FBXL3: variants seen among roughly 807,000 people sequenced by gnomAD.
The protein encoded by FBXL3 is F-box and leucine rich repeat protein 3.
FBXL3 carries 14 observed loss-of-function variants against 37.9 expected under a neutral mutation model. The observed-to-expected ratio is 0.37, with a 90% CI of 0.24 to 0.58. FBXL3 has a LOEUF of 0.58. Among genes scored for constraint, FBXL3 ranks in the 20% least tolerant of loss-of-function variants. The pLI is 0.74. For synonymous variants in FBXL3, 194 were observed against 180.1 expected, an observed-to-expected ratio of 1.08 and a Z score of -0.62; for missense variants, 327 against 511.1, an observed-to-expected ratio of 0.64 and a Z score of 3.47.
Position 77,007,580 on chromosome 13 carries a change from T to G in FBXL3, c.852A>C (p.Ser284=). 1 of 1,614,130 alleles carries G rather than the reference T, an allele frequency of 6.2e-7. No homozygotes were observed. The highest frequency in any genetic ancestry group is 8.5e-7 in the Non-Finnish European group (1 of 1,180,024). Residue 284 remains serine, a synonymous_variant, in exon 5 of 5, where the codon TCA becomes TCC. Transcript: ENST00000355619. ...AATACATCACTAAGTTCACTTTGGG[T>G]GAATGTCTGATGAAAGCATCCCAGC... ...KSSWDAFIRH[S]PKVNLVMYFF...
At chr13:77,007,851 T>C (rs2154035966) in intron 4 of FBXL3, 63 bp from the exon 5 acceptor site, 2 of 1,417,474 alleles carry the variant, frequency 1.4e-6, no homozygotes, top group South Asian at 1.5e-5. Context: ...AAAAATTCAA[T>C]CAAGTACATG....
At chr13:77,007,969 T>G (rs1476582943) in intron 4 of FBXL3, among the ~76,000 whole-genome samples, 181 bp from the exon 5 acceptor site, 1 of 152,208 alleles carries the variant, frequency 6.6e-6, no homozygotes, top group East Asian at 1.9e-4. Flanking sequence ...ATTACTAATT[T>G]TGTCTACAAG....
At chr13:77,008,279 A>G (rs1320097233) in intron 4 of FBXL3, among the ~76,000 whole-genome samples, 1 of 152,260 alleles carries the variant, frequency 6.6e-6, no homozygotes, top group South Asian at 2.1e-4. Flanking sequence ...CAAACTAAAG[A>G]TTCTATCAAA....
chr13:77,024,396 A>T (rs767173297), intron 1 of FBXL3, among the ~76,000 whole-genome samples: 9 of 152,224 alleles, frequency 5.9e-5, no homozygotes, highest in Non-Finnish European at 1.3e-4. Flanking sequence ...AAAGAATGAC[A>T]GTCTTTGCAA....
Position 77,018,587 on chromosome 13 carries a change from A to G in FBXL3, c.471+13T>C. The G allele has an allele frequency of 1.9e-6, 3 of 1,554,826 alleles. No homozygotes were observed. The highest frequency in any genetic ancestry group is 2.6e-6 in the Non-Finnish European group (3 of 1,156,662). On this transcript the variant is annotated intron_variant, in intron 3 of 4. Coordinates refer to ENST00000355619, the MANE Select transcript of FBXL3 (RefSeq NM_012158.4). ...TTCTCAGTAATAGATAATAAAACAA[A>G]AACAGCAGATACCTTTGGTAAATCC...
At chr13:77,023,925 G>A (rs150324420) in intron 1 of FBXL3, among the ~76,000 whole-genome samples, 4 of 152,330 alleles carry the variant, frequency 2.6e-5, no homozygotes, top group African/African-American at 9.6e-5. Context: ...TGCCATGAAA[G>A]TCAGTCAAAG....
chr13:77,024,227 A>G (rs964792714), intron 1 of FBXL3, among the ~76,000 whole-genome samples: 3 of 152,202 alleles, frequency 2.0e-5, no homozygotes, highest in African/African-American at 7.2e-5. Context: ...TAACACTGTT[A>G]TTATGACCCA....
chr13:77,014,091 G>A (rs1188026750), intron 4 of FBXL3: 2 of 152,226 alleles, frequency 1.3e-5, no homozygotes, highest in Non-Finnish European at 2.9e-5. Context: ...TACGTTGACA[G>A]GCAGGTCAAC....
intron 3 of FBXL3, chr13:77,017,078 C>T (rs2034656623): frequency 6.6e-6 from 1 of 151,934 alleles, no homozygotes; most frequent in Non-Finnish European, 1.5e-5. Flanking sequence ...CTTCTATGTT[C>T]TCTTCAGTTC....
Position 77,007,054 on chromosome 13 carries a change from A to T in FBXL3, c.*91T>A. 1 of 1,479,256 alleles carries T rather than the reference A, an allele frequency of 6.8e-7. No individual in the cohort carries two copies. The highest frequency in any genetic ancestry group is 8.9e-7 in the Non-Finnish European group (1 of 1,122,716). The allele number at this position is 1,479,256 out of a possible 1,614,324, so 91.6% of individuals were successfully genotyped here. On this transcript the variant is annotated 3_prime_UTR_variant, in exon 5 of 5. Coordinates refer to ENST00000355619, the MANE Select transcript of FBXL3 (RefSeq NM_012158.4). ...TGAAGATATCAAATTTCTGTGCCAC[A>T]AAATAGTAGAATTATATCAGAACTA...
At chr13:77,026,127 C>T (rs558677042) in intron 1 of FBXL3, 3 of 971,096 alleles carry the variant, frequency 3.1e-6, no homozygotes, top group African/African-American at 1.8e-5. Context: ...GGTCACTCAA[C>T]TGGATATCAT....
chr13:77,018,919 A>C, intron 2 of FBXL3, 197 bp from the exon 3 acceptor site: 1 of 433,466 alleles, frequency 2.3e-6, no homozygotes. Context: ...CTCCACCCTC[A>C]CCTCCAACTT....
rs150831949 is a variant in FBXL3, at chr13:77,011,789, T to C, written c.643+3620A>G. 3.9e-3 allele frequency among the ~76,000 whole-genome samples: 587 copies of C among 149,214 alleles called. 1 individual carries two copies. The highest frequency in any genetic ancestry group is 7.0e-3 in the Middle Eastern group (2 of 284). ...AAGAAAATGTAAATCAAAACCACAA[T>C]GAGTTTACACCCCCTAGCATGGCTA... On this transcript the variant is annotated intron_variant, in intron 4 of 4. Coordinates refer to ENST00000355619, the MANE Select transcript of FBXL3 (RefSeq NM_012158.4).
At chr13:77,023,216 G>A (rs1254325527) in intron 1 of FBXL3, among the ~76,000 whole-genome samples, 1 of 152,210 alleles carries the variant, frequency 6.6e-6, no homozygotes, top group South Asian at 2.1e-4. Flanking sequence ...CTGGAGTGCA[G>A]TGGCACGATC....
intron 2 of FBXL3, chr13:77,018,942 G>A: frequency 2.7e-6 from 1 of 365,100 alleles, no homozygotes; most frequent in African/African-American, 2.1e-5. Context: ...CCTTTTCTAA[G>A]TCTCTCTGAA....
intron 3 of FBXL3, chr13:77,017,066 TTCTTC>T (rs1458088655): frequency 2.3e-5 from 2 of 88,888 alleles, no homozygotes; most frequent in Non-Finnish European, 3.6e-5. Flanking sequence ...ACAAAAACAT[TTCTTC>T]TATGTTCTCT....
chr13:77,024,335 C>A (rs1345037628), intron 1 of FBXL3, among the ~76,000 whole-genome samples: 1 of 152,092 alleles, frequency 6.6e-6, no homozygotes, highest in South Asian at 2.1e-4. Context: ...CTTATAATTT[C>A]TCTTCTGACC....
chr13:77,026,322 C>T, intron 1 of FBXL3: 1 of 985,386 alleles, frequency 1.0e-6, no homozygotes, highest in Non-Finnish European at 1.2e-6. Context: ...CAGGGGCGTC[C>T]CCTCCTCCCT....
At chr13:77,008,792 AT>A (rs1272076321) in intron 4 of FBXL3, 1 of 152,190 alleles carries the variant, frequency 6.6e-6, no homozygotes, top group East Asian at 1.9e-4. Context: ...ACCTCAAGTG[AT>A]CCACCCATCT....
Sources: gnomAD v4.1 joint callset for allele counts (sites outside exome capture counted in the v4.1 genomes callset) on GRCh38, gnomAD v4.1.1 for gene constraint, MANE v1.5 for transcripts, NCBI Gene and HGNC (gene_info 2026-07-23, HGNC 2026-07-21) for gene names.